Variants in COA1 observed in about 807,000 individuals in gnomAD.
COA1 encodes the protein cytochrome c oxidase assembly factor 1 homolog.
A neutral mutation model predicts 16.0 loss-of-function variants in COA1; 13 were observed. The ratio of observed to expected loss-of-function variants is 0.81; its 90% CI spans 0.53 to 1.29. The LOEUF (loss-of-function observed/expected upper bound fraction) is 1.29. Among genes scored for constraint, COA1 ranks in the 50% most tolerant of loss-of-function variants. COA1 has a pLI of 0.00. For missense variants in COA1, 179 were observed against 177.0 expected (o/e 1.01, Z -0.06); for synonymous variants, 65 against 65.7 (o/e 0.99, Z 0.05).
chr7:43,726,250 T>C lies in COA1; in HGVS notation c.-39+3179A>G, dbSNP rs1004765878. 4.6e-5 allele frequency among the ~76,000 whole-genome samples: 7 copies of C among 152,304 alleles called. No individual in the cohort carries two copies. The East Asian group carries it at 9.6e-4, about 21-fold the overall frequency. ...AGGCAGAGAGACAGGGAGGCAACAA[T>C]GTCTGAAACAATGAACACTCTTAGG... On this transcript the variant is annotated intron_variant, in intron 1 of 5. Transcript: ENST00000223336.
intron 1 of COA1, among the ~76,000 whole-genome samples, chr7:43,728,604 G>A (rs1244743276): frequency 2.0e-5 from 3 of 152,184 alleles, no homozygotes; most frequent in Admixed American, 6.6e-5. Context: ...GACCCTGTAG[G>A]CCCTTGAAGT....
chr7:43,621,814 C>CA (rs1261716632), intron 6 of COA1, among the ~76,000 whole-genome samples: 1 of 152,088 alleles, frequency 6.6e-6, no homozygotes, highest in East Asian at 1.9e-4. Context: ...AAAAATGATT[C>CA]AAAAGTACAT....
chr7:43,609,819 T>C (rs1583568773), intron 6 of COA1, among the ~76,000 whole-genome samples: 2 of 152,322 alleles, frequency 1.3e-5, no homozygotes, highest in East Asian at 3.9e-4. Flanking sequence ...CCATCCTGAA[T>C]TGCAGCATCA....
chr7:43,645,137 TACTTAGTGGA>T, intron 4 of COA1, 104 bp downstream of exon 4: 1 of 879,316 alleles, frequency 1.1e-6, no homozygotes, highest in Non-Finnish European at 1.6e-6. Flanking sequence ...AACCTAGCTT[TACTTAGTGGA>T]TTTTCCCATC....
At chr7:43,708,459 TA>T (rs34433297) in intron 1 of COA1, among the ~76,000 whole-genome samples, 22,387 of 142,414 alleles carry the variant, frequency 0.16, 2,098 homozygotes, top group Non-Finnish European at 0.22. Flanking sequence ...AGACCTTTTC[TA>T]AAAAAAAAAA....
chr7:43,656,412 C>T (rs893275250), intron 1 of COA1, among the ~76,000 whole-genome samples: 4 of 152,160 alleles, frequency 2.6e-5, no homozygotes, highest in Admixed American at 1.3e-4. Context: ...TAAGACAAAA[C>T]ATAGGCCAGG....
intron 1 of COA1, among the ~76,000 whole-genome samples, chr7:43,679,216 G>A (rs1046219290): frequency 1.4e-5 from 2 of 144,286 alleles, no homozygotes; most frequent in African/African-American, 2.6e-5. Flanking sequence ...GCAGTGAGCC[G>A]GGATCGCAGC....
At chr7:43,676,520 CAT>C (rs938574576) in intron 1 of COA1, among the ~76,000 whole-genome samples, 6 of 152,132 alleles carry the variant, frequency 3.9e-5, no homozygotes, top group African/African-American at 1.2e-4. Flanking sequence ...CATCTTCACT[CAT>C]GTGCAGAAGC....
chr7:43,636,075 A>G (rs11768098), downstream of COA1, among the ~76,000 whole-genome samples: 24,466 of 152,080 alleles, frequency 0.16, 2,316 homozygotes, highest in Admixed American at 0.29. Context: ...AATGAAAAGT[A>G]CTCTCTCCTG....
chr7:43,610,173 T>C (rs764235009), intron 6 of COA1, among the ~76,000 whole-genome samples: 55 of 150,240 alleles, frequency 3.7e-4, no homozygotes, highest in Non-Finnish European at 6.4e-4. Context: ...GGTGAAACCC[T>C]GTCTGTAGTA....
At chr7:43,671,489 A>G (rs569062645) in intron 1 of COA1, among the ~76,000 whole-genome samples, 1 of 152,364 alleles carries the variant, frequency 6.6e-6, no homozygotes, top group South Asian at 2.1e-4. Flanking sequence ...GAAAAAATAA[A>G]GAAGGTATCT....
At chr7:43,708,665 G>A (rs1361769442) in intron 1 of COA1, among the ~76,000 whole-genome samples, 2 of 152,106 alleles carry the variant, frequency 1.3e-5, no homozygotes, top group Admixed American at 6.5e-5. Flanking sequence ...TGAAGTGCCT[G>A]TTCAAGTCTC....
At chr7:43,636,678 A>T (rs1364193670), downstream of COA1, among the ~76,000 whole-genome samples, 1 of 152,244 alleles carries the variant, frequency 6.6e-6, no homozygotes, top group Non-Finnish European at 1.5e-5. Context: ...ACCAAAACTC[A>T]GCAATAAAAC....
At chr7:43,708,109 CAGG>C (rs2095068177) in intron 1 of COA1, among the ~76,000 whole-genome samples, 3 of 152,160 alleles carry the variant, frequency 2.0e-5, no homozygotes, top group South Asian at 4.1e-4. Context: ...GAGCCTGAGG[CAGG>C]AGAATTGCTT....
chr7:43,660,827 G>A (rs1381504245), intron 1 of COA1, among the ~76,000 whole-genome samples: 6 of 152,158 alleles, frequency 3.9e-5, no homozygotes, highest in Admixed American at 1.3e-4. Flanking sequence ...TTCCTCTCTA[G>A]TCTAGAATCC....
chr7:43,629,590 CTCA>C (rs1232024475), intron 6 of COA1, among the ~76,000 whole-genome samples: 15 of 152,138 alleles, frequency 9.9e-5, no homozygotes, highest in African/African-American at 3.4e-4. Context: ...TCATTTTTAG[CTCA>C]TCATGCCTAA....
chr7:43,643,095 C>T (rs550819631), intron 4 of COA1, among the ~76,000 whole-genome samples: 1 of 152,304 alleles, frequency 6.6e-6, no homozygotes, highest in South Asian at 2.1e-4. Context: ...GAACCTAGCA[C>T]CACAACCAAC....
chr7:43,644,267 C>T (rs1199395378), intron 4 of COA1, among the ~76,000 whole-genome samples: 3 of 152,158 alleles, frequency 2.0e-5, no homozygotes, highest in Admixed American at 1.3e-4. Flanking sequence ...ACTGTAAACC[C>T]CCAAAAGCCT....
intron 1 of COA1, among the ~76,000 whole-genome samples, chr7:43,726,930 G>C (rs2095628407): frequency 6.6e-6 from 1 of 152,182 alleles, no homozygotes; most frequent in Non-Finnish European, 1.5e-5. Flanking sequence ...CACTTGAAAA[G>C]ATGCTCAACA....
Sources: allele counts gnomAD v4.1 joint callset (sites outside exome capture counted in the v4.1 genomes callset), GRCh38; gene constraint gnomAD v4.1.1; transcripts MANE v1.5; gene names NCBI Gene and HGNC (gene_info 2026-07-23, HGNC 2026-07-21).